MYO18B: variants seen among roughly 807,000 people sequenced by gnomAD.
MYO18B encodes the protein myosin XVIIIB, also known as unconventional myosin-XVIIIb.
In MYO18B, 204 loss-of-function variants were observed where a neutral mutation model predicts 273.0. The ratio of observed to expected loss-of-function variants is 0.75; its 90% CI spans 0.67 to 0.84. MYO18B has a LOEUF of 0.84. Ranked by LOEUF, MYO18B falls within the 40% of genes least tolerant of loss-of-function variation. MYO18B has a pLI of 0.00. For missense variants in MYO18B, 3,212 were observed against 3,287.6 expected (o/e 0.98, Z 0.56); for synonymous variants, 1,330 against 1,305.7 (o/e 1.02, Z -0.40).
intron 7 of MYO18B, among the ~76,000 whole-genome samples, chr22:25,773,502 C>T (rs185930998): frequency 2.4e-4 from 37 of 152,152 alleles, no homozygotes; most frequent in Admixed American, 2.1e-3. Flanking sequence ...CTCTCTGTGT[C>T]GCCCAGGCTG....
intron 16 of MYO18B, 104 bp from the exon 17 acceptor site, chr22:25,835,192 C>A: frequency 7.2e-7 from 1 of 1,392,396 alleles, no homozygotes; most frequent in Non-Finnish European, 9.5e-7. Context: ...AGTCCTGACA[C>A]TTGGGACTTG....
At chr22:25,983,083 T>C (rs2093165914) in intron 39 of MYO18B, among the ~76,000 whole-genome samples, 1 of 152,080 alleles carries the variant, frequency 6.6e-6, no homozygotes, top group South Asian at 2.1e-4. Context: ...AAATAATAAT[T>C]CTGGTGGCCG....
Position 25,826,435 on chromosome 22 carries a change from G to A in MYO18B, c.2722G>A (p.Val908Met), listed in dbSNP as rs1209252771. ...SGLKMTGVDC[V>M]EGMASGLYQE... is the part of the protein sequence containing the mutation. ...GCTCAAGATGACAGGAGTGGACTGTGTGGAGGGGATGGCCTCGGGCCTGTA... is the reference window on the plus strand; with the variant it reads ...GCTCAAGATGACAGGAGTGGACTGTATGGAGGGGATGGCCTCGGGCCTGTA... Residue 908 changes from valine (V) to methionine (M), a missense_variant, in exon 14 of 44, where the codon GTG becomes ATG. By Grantham distance (21) the Val-to-Met change is conservative. Transcript: ENST00000335473. 1.2e-6 allele frequency: 2 copies of A among 1,613,870 alleles called. No individual in the cohort carries two copies. Among genetic ancestry groups the A allele is most frequent in the Admixed American group, 3.3e-5 (2 of 60,006 alleles).
chr22:25,920,319 A>C (rs1275087525), intron 33 of MYO18B, among the ~76,000 whole-genome samples: 1 of 152,186 alleles, frequency 6.6e-6, no homozygotes, highest in Non-Finnish European at 1.5e-5. Context: ...TCTTTCAGAG[A>C]TGTTAACACG....
At chr22:25,963,119 C>T (rs1049934608) in intron 39 of MYO18B, among the ~76,000 whole-genome samples, 1 of 151,588 alleles carries the variant, frequency 6.6e-6, no homozygotes, top group Non-Finnish European at 1.5e-5. Context: ...TTCTCTCTCT[C>T]TCTCCTCTTT....
chr22:25,754,641 A>G (rs16980675), intron 1 of MYO18B, among the ~76,000 whole-genome samples: 12,618 of 152,258 alleles, frequency 0.083, 1,724 homozygotes, highest in African/African-American at 0.29. Flanking sequence ...TCATGGGCTT[A>G]AAACAGCAGC....
Position 25,769,436 on chromosome 22 carries a change from G to C in MYO18B, c.1512+8G>C. 6.6e-7 allele frequency: 1 copy of C among 1,513,328 alleles called. No homozygotes were observed. The highest frequency in any genetic ancestry group is 1.3e-5 in the South Asian group (1 of 77,448). The allele number at this position is 1,513,328 out of a possible 1,614,324, so 93.7% of individuals were successfully genotyped here. ...AGCAGAGACTCAGACCAGGTGAGGG[G>C]GCTGCGGCCCTGGGAGCGGGAAGCG... On this transcript the variant is annotated splice_region_variant and intron_variant, in intron 4 of 43. Coordinates refer to ENST00000335473, the MANE Select transcript of MYO18B (RefSeq NM_032608.7).
intron 39 of MYO18B, chr22:25,963,842 C>G (rs1474041327): frequency 6.6e-5 from 10 of 151,842 alleles, no homozygotes; most frequent in Non-Finnish European, 1.3e-4. Flanking sequence ...TAATAAGCAC[C>G]TAATAGATGG....
chr22:26,052,926 C>T, the MYO18B span, among the ~76,000 whole-genome samples: 1 of 151,770 alleles, frequency 6.6e-6, no homozygotes, highest in Non-Finnish European at 1.5e-5. Context: ...CCTCAGCCTC[C>T]TGAGTAGCTG....
At chr22:26,025,245 AG>A (rs1322421163) in intron 42 of MYO18B, among the ~76,000 whole-genome samples, 1 of 152,028 alleles carries the variant, frequency 6.6e-6, no homozygotes, top group Non-Finnish European at 1.5e-5. Flanking sequence ...ACCTCAAGGG[AG>A]CTTTGGGTTG....
At chr22:25,945,053 A>T (rs190744325) in intron 34 of MYO18B, among the ~76,000 whole-genome samples, 1 of 152,234 alleles carries the variant, frequency 6.6e-6, no homozygotes, top group Admixed American at 6.5e-5. Flanking sequence ...AGGAAAAGAG[A>T]GAAAGAAAAG....
chr22:25,845,492 G>A (rs1167752101), intron 18 of MYO18B, among the ~76,000 whole-genome samples: 1 of 152,170 alleles, frequency 6.6e-6, no homozygotes, highest in Non-Finnish European at 1.5e-5. Context: ...ACTCCAGCCT[G>A]GCGACAGAGC....
chr22:25,974,781 C>T (rs960775046), intron 39 of MYO18B, among the ~76,000 whole-genome samples: 1 of 152,298 alleles, frequency 6.6e-6, no homozygotes, highest in African/African-American at 2.4e-5. Flanking sequence ...TCATAGACCT[C>T]TCCTATGGTT....
Position 25,784,595 on chromosome 22 carries a change from G to T in MYO18B, c.2313-833G>T, listed in dbSNP as rs116590433. 7.6e-3 allele frequency among the ~76,000 whole-genome samples: 1,158 copies of T among 152,334 alleles called. 15 individuals carry two copies. Among genetic ancestry groups the T allele is most frequent in the African/African-American group, 0.026 (1,068 of 41,568 alleles). ...CACTGAAGGCCTCAGAACCAGACAA[G>T]CTGGCTGGAGACTGATGAGTAATCC... is the stretch of plus-strand genomic sequence containing the variant. On this transcript the variant is annotated intron_variant, in intron 10 of 43. Coordinates refer to ENST00000335473, the MANE Select transcript of MYO18B (RefSeq NM_032608.7).
chr22:25,769,288 G>T lies in MYO18B; in HGVS notation c.1372G>T (p.Ala458Ser). ...PCSRAGDGAG[A>S]LETELEGPSQ... ...CTCAAGAGCAGGTGATGGGGCTGGT[G>T]CCCTGGAGACAGAGCTGGAAGGACC... The change falls in exon 4 of 44, where the codon GCC (alanine) becomes TCC (serine). Residue 458 changes from alanine to serine, a missense_variant. Physicochemically the swap from Ala to Ser is moderately conservative, Grantham distance 99. Coordinates refer to ENST00000335473, the MANE Select transcript of MYO18B (RefSeq NM_032608.7). The T allele has an allele frequency of 1.9e-6, 3 of 1,583,982 alleles. No homozygotes were observed. The highest frequency in any genetic ancestry group is 2.3e-5 in the South Asian group (2 of 86,660).
At chr22:25,999,862 G>A (rs776464296) in intron 40 of MYO18B, among the ~76,000 whole-genome samples, 7 of 152,080 alleles carry the variant, frequency 4.6e-5, no homozygotes, top group African/African-American at 1.7e-4. Context: ...CACCATATTG[G>A]CTAGGCTGGT....
rs1452683291 is a variant in MYO18B at position 25,883,405 on chromosome 22, T to A, written c.4314+5357T>A. The stretch of plus-strand genomic sequence containing the variant: ...ATGTGTCAGAATGCCCTGTAAGACT[T>A]CTCCGAATACAGATTGCTAGACTCC... On this transcript the variant is annotated intron_variant, in intron 25 of 43. Transcript: ENST00000335473. This position sits in a 1 kb window ranked among gnomAD's most constrained non-coding sequence, Gnocchi z 7.6. 2.0e-5 allele frequency: 3 copies of A among 152,178 alleles called. No individual in the cohort carries two copies. Among genetic ancestry groups the A allele is most frequent in the Non-Finnish European group, 4.4e-5 (3 of 68,044 alleles). 9.4% of individuals were successfully genotyped at this position (152,178 alleles called of 1,614,324 possible).
At chr22:25,755,656 G>A (rs2086092412) in intron 1 of MYO18B, among the ~76,000 whole-genome samples, 1 of 152,144 alleles carries the variant, frequency 6.6e-6, no homozygotes, top group Admixed American at 6.5e-5. Flanking sequence ...TGAATGTCTT[G>A]GTGCCCACCC....
intron 12 of MYO18B, among the ~76,000 whole-genome samples, chr22:25,816,389 C>T (rs2089006256): frequency 6.6e-6 from 1 of 151,958 alleles, no homozygotes; most frequent in South Asian, 2.1e-4. Context: ...GTACAGGTGC[C>T]CAATGTGCAG....
Sources: gnomAD v4.1 joint callset for allele counts (sites outside exome capture counted in the v4.1 genomes callset) on GRCh38, gnomAD v4.1.1 for gene constraint, Gnocchi (gnomAD v3.1) non-coding constraint, MANE v1.5 for transcripts, NCBI Gene and HGNC (gene_info 2026-07-23, HGNC 2026-07-21) for gene names.